The following GTF2IRD1 variants were observed in gnomAD, a reference collection of about 807,000 sequenced individuals.
GTF2IRD1 encodes general transcription factor II-I repeat domain-containing protein 1.
In GTF2IRD1, 26 loss-of-function variants were observed where a neutral mutation model predicts 113.2. The observed-to-expected ratio is 0.23, with a 90% CI of 0.17 to 0.32. The LOEUF (loss-of-function observed/expected upper bound fraction) is 0.32. GTF2IRD1 is among the 10% of genes least tolerant of loss of function. GTF2IRD1 has a pLI of 1.00. For missense variants in GTF2IRD1, 864 were observed against 1,280.8 expected, an observed-to-expected ratio of 0.67 and a Z score of 4.97; for synonymous variants, 484 against 529.1, an observed-to-expected ratio of 0.91 and a Z score of 1.17.
At chr7:74,536,126 C>A in intron 10 of GTF2IRD1, 41 bp from the exon 11 acceptor site, 2 of 1,251,758 alleles carry the variant, frequency 1.6e-6, no homozygotes, top group Non-Finnish European at 2.4e-6. Context: ...CAAGAGGAGG[C>A]CAGAGGGCCT....
chr7:74,587,388 G>A (rs1414304515), intron 22 of GTF2IRD1, among the ~76,000 whole-genome samples: 4 of 151,788 alleles, frequency 2.6e-5, no homozygotes, highest in Non-Finnish European at 5.9e-5. Flanking sequence ...AGGTTGCAGC[G>A]AACCGAGACC....
chr7:74,498,876 G>A (rs1440232978), intron 1 of GTF2IRD1, among the ~76,000 whole-genome samples: 2 of 151,960 alleles, frequency 1.3e-5, no homozygotes, highest in African/African-American at 4.8e-5. Context: ...CTATAGGCGT[G>A]TACCACCACC....
At chr7:74,496,457 G>C (rs1353926893) in intron 1 of GTF2IRD1, among the ~76,000 whole-genome samples, 1 of 135,206 alleles carries the variant, frequency 7.4e-6, no homozygotes, top group African/African-American at 3.0e-5. Flanking sequence ...GTGTGGGTGT[G>C]CATGTGTGTT....
intron 25 of GTF2IRD1, among the ~76,000 whole-genome samples, chr7:74,598,475 G>T (rs2131072469): frequency 6.6e-6 from 1 of 152,106 alleles, no homozygotes; most frequent in East Asian, 1.9e-4. Flanking sequence ...AATTAGCCGG[G>T]GGTGGTGGTG....
intron 8 of GTF2IRD1, among the ~76,000 whole-genome samples, chr7:74,528,743 ATGGATGGATGGATGAATGG>A (rs1797752817): frequency 1.5e-5 from 2 of 133,532 alleles, no homozygotes; most frequent in Non-Finnish European, 3.2e-5. Flanking sequence ...GGATGGATGG[ATGGATGGATGGATGAATGG>A]ATGGATGGGC....
chr7:74,461,206 G>T (rs572621359), intron 1 of GTF2IRD1, among the ~76,000 whole-genome samples: 25 of 152,300 alleles, frequency 1.6e-4, no homozygotes, highest in Admixed American at 1.3e-3. Flanking sequence ...GGCCTGGCTT[G>T]AGGGCTTGCG....
intron 8 of GTF2IRD1, among the ~76,000 whole-genome samples, chr7:74,527,802 C>T (rs1477037668): frequency 2.0e-5 from 3 of 152,160 alleles, no homozygotes; most frequent in African/African-American, 7.2e-5. Flanking sequence ...GATTGTGCCG[C>T]TGCACTCCAG....
intron 1 of GTF2IRD1, among the ~76,000 whole-genome samples, chr7:74,464,413 A>G (rs533068534): frequency 6.8e-6 from 1 of 147,380 alleles, no homozygotes; most frequent in East Asian, 2.1e-4. Context: ...GTCTTGAGAG[A>G]TTTGGGGGGT....
intron 24 of GTF2IRD1, among the ~76,000 whole-genome samples, chr7:74,592,458 A>G (rs1802118965): frequency 1.3e-5 from 2 of 151,170 alleles, no homozygotes; most frequent in Non-Finnish European, 2.9e-5. Context: ...GGCTCAAGCC[A>G]TCCTCCCATG....
rs183938446 is a variant in GTF2IRD1, at chr7:74,538,120, C to A, written c.1410-16C>A. On this transcript the variant is annotated splice_polypyrimidine_tract_variant and intron_variant, in intron 11 of 26. Transcript: ENST00000424337. ...GGACTTGGCTGACAGGTGTCATTTC[C>A]TGCTTCCCTTCACAGGTCAGACAAG... The A allele has an allele frequency of 3.4e-4, 542 of 1,611,738 alleles. 1 individual carries two copies. The East Asian group carries it at 7.8e-3, about 23-fold the overall frequency.
At position 74,536,271 on chromosome 7, in the gene GTF2IRD1, G is replaced by A; in HGVS notation, c.1405G>A (p.Ala469Thr). Residue 469 changes from alanine to threonine, a missense_variant, in exon 11 of 27, where the codon GCT becomes ACT. Ala to Thr is a moderately conservative substitution (Grantham distance 58, BLOSUM62 0). This residue lies in a region of GTF2IRD1 where 218 missense variants were observed against 352.6 expected (regional missense o/e 0.62). Transcript: ENST00000424337. ...RATVLDLAGN[A>T]RSDKGSMSED... ...CACCGTCCTTGACCTTGCTGGGAATGCTCGGTGAGGCCCCGCCCCTGGCCC... is the reference window on the plus strand; with the variant it reads ...CACCGTCCTTGACCTTGCTGGGAATACTCGGTGAGGCCCCGCCCCTGGCCC... 1 of 1,587,488 alleles carries A rather than the reference G, an allele frequency of 6.3e-7. No individual in the cohort carries two copies. Among genetic ancestry groups the A allele is most frequent in the South Asian group, 1.1e-5 (1 of 90,590 alleles).
chr7:74,583,072 G>A (rs782499626), intron 22 of GTF2IRD1, among the ~76,000 whole-genome samples: 59 of 152,274 alleles, frequency 3.9e-4, no homozygotes, highest in South Asian at 1.0e-3. Flanking sequence ...AAAAATCAGT[G>A]TTCTTCCTGA....
chr7:74,567,477 C>G (rs1800393777), intron 22 of GTF2IRD1, among the ~76,000 whole-genome samples: 1 of 152,068 alleles, frequency 6.6e-6, no homozygotes, highest in South Asian at 2.1e-4. Context: ...TGCTAAGCAA[C>G]AGGTTGCAGT....
chr7:74,532,222 G>A lies in GTF2IRD1; in HGVS notation c.1274+2305G>A, dbSNP rs190503855. ...TGCTGTCTCGAACCCACATCTCCCC[G>A]ACCCTGTTCTCCCTGATAAATAAAT... On this transcript the variant is annotated intron_variant, in intron 9 of 26. Coordinates refer to ENST00000424337, the MANE Select transcript of GTF2IRD1 (RefSeq NM_005685.4). Among the ~76,000 whole-genome samples the A allele has an allele frequency of 5.9e-5, 9 of 151,952 alleles. No individual in the cohort carries two copies. The East Asian group carries it at 9.7e-4, about 16-fold the overall frequency.
intron 1 of GTF2IRD1, among the ~76,000 whole-genome samples, chr7:74,496,482 CGT>C (rs1350060320): frequency 1.4e-5 from 1 of 73,556 alleles, no homozygotes; most frequent in Non-Finnish European, 2.5e-5. Context: ...TGGGTGTGCA[CGT>C]ATGTGTGTGT....
At chr7:74,494,954 T>C (rs1201236812) in intron 1 of GTF2IRD1, among the ~76,000 whole-genome samples, 1 of 152,162 alleles carries the variant, frequency 6.6e-6, no homozygotes, top group Non-Finnish European at 1.5e-5. Flanking sequence ...GGGGTCTCAC[T>C]ATGTTACCCA....
rs1799512613 is a variant in GTF2IRD1 at position 74,555,025 on chromosome 7, T to C, written c.1917-149T>C. 5 of 663,302 alleles carry C rather than the reference T, an allele frequency of 7.5e-6. No individual in the cohort carries two copies. Among genetic ancestry groups the C allele is most frequent in the South Asian group, 2.2e-5 (1 of 45,874 alleles). 41.1% of individuals were successfully genotyped at this position (663,302 alleles called of 1,614,324 possible). On this transcript the variant is annotated intron_variant, in intron 17 of 26. Transcript: ENST00000424337. This position sits in a 1 kb window ranked among gnomAD's most constrained non-coding sequence, Gnocchi z 5.3. ...CCAGCGCAGCCCCCCAGATTCCACA[T>C]GTGGGGCGGCAGGGACTCCAGGCCT...
intron 22 of GTF2IRD1, among the ~76,000 whole-genome samples, chr7:74,574,331 A>T (rs587672220): frequency 6.6e-6 from 1 of 150,710 alleles, no homozygotes; most frequent in Non-Finnish European, 1.5e-5. Context: ...TTTTTGTAGG[A>T]CAGCATCTTG....
intron 7 of GTF2IRD1, among the ~76,000 whole-genome samples, chr7:74,523,595 C>T (rs182758069): frequency 1.9e-3 from 283 of 152,068 alleles, no homozygotes; most frequent in African/African-American, 6.3e-3. Flanking sequence ...TGGCAGGTGC[C>T]CTGTAATCCC....
Sources: gnomAD v4.1 joint callset for allele counts (sites outside exome capture counted in the v4.1 genomes callset) on GRCh38, gnomAD v4.1.1 for gene constraint, gnomAD v4.1.1 regional missense constraint, Gnocchi (gnomAD v3.1) non-coding constraint, MANE v1.5 for transcripts, NCBI Gene and HGNC (gene_info 2026-07-23, HGNC 2026-07-21) for gene names.